Variants in MYBPC2 observed in about 807,000 individuals in gnomAD.
MYBPC2 encodes the protein myosin binding protein C2.
MYBPC2 carries 122 observed loss-of-function variants against 137.0 expected under a neutral mutation model. The ratio of observed to expected loss-of-function variants is 0.89; its 90% CI spans 0.77 to 1.03. The LOEUF (loss-of-function observed/expected upper bound fraction) is 1.03. MYBPC2 is among the 50% of genes least tolerant of loss of function. The probability of loss-of-function intolerance (pLI) is 0.00; values close to 1 mark genes in which losing one functional copy is unlikely to be tolerated. For missense variants in MYBPC2, 1,500 were observed against 1,534.4 expected, an observed-to-expected ratio of 0.98 and a Z score of 0.37; for synonymous variants, 626 against 612.3, an observed-to-expected ratio of 1.02 and a Z score of -0.33.
chr19:50,464,652 G>A, intron 27 of MYBPC2, 120 bp downstream of exon 27: 2 of 1,164,764 alleles, frequency 1.7e-6, no homozygotes, highest in South Asian at 1.7e-5. Flanking sequence ...AGCCCTCTGG[G>A]AGGAGGACTG....
At position 50,464,388 on chromosome 19, in the gene MYBPC2, G is replaced by T; in HGVS notation, c.3271G>T (p.Asp1091Tyr). The change falls in exon 27 of 28, where the codon GAT becomes TAT. Residue 1091 changes from aspartate (D) to tyrosine (Y), a missense_variant. Asp to Tyr is a radical substitution (Grantham distance 160). Coordinates refer to ENST00000357701, the MANE Select transcript of MYBPC2 (RefSeq NM_004533.4). The part of the protein sequence containing the change: ...WMKNKMEIRE[D>Y]PKFLITNYQG... ...GAAGAACAAGATGGAAATCCGTGAA[G>T]ATCCCAAGTTCCTGATAACCAATTA... 6.2e-7 allele frequency: 1 copy of T among 1,611,068 alleles called. No homozygotes were observed. The highest frequency in any genetic ancestry group is 1.1e-5 in the South Asian group (1 of 90,160).
At chr19:50,461,781 C>G in intron 25 of MYBPC2, 80 bp downstream of exon 25, 6 of 1,595,284 alleles carry the variant, frequency 3.8e-6, no homozygotes, top group Non-Finnish European at 5.1e-6. Context: ...CTGCCCTCCC[C>G]TCCCCACTGG....
Position 50,435,190 on chromosome 19 carries a change from GC to G in MYBPC2, c.54del (p.Gly20GlufsTer36). 4.4e-6 allele frequency: 6 copies of G among 1,377,194 alleles called. No individual in the cohort carries two copies. The highest frequency in any genetic ancestry group is 1.7e-5 in the Admixed American group (1 of 57,966). 85.3% of individuals were successfully genotyped at this position (1,377,194 alleles called of 1,614,324 possible). ...AAKKAPKGKD[A>X]PKGAPKEAPP... ...CAAAAAGGCCCCCAAAGGCAAAGAT[GC>G]CCCCAAAGGAGCCCCCAAGGAGGCT... On this transcript the variant is annotated frameshift_variant, in exon 2 of 28. Coordinates refer to ENST00000357701, the MANE Select transcript of MYBPC2 (RefSeq NM_004533.4). LOFTEE classifies it high-confidence loss of function. The surrounding 1 kb of genome is among the most constrained non-coding windows in gnomAD (Gnocchi z 4.8).
chr19:50,466,176 CT>C lies in MYBPC2; in HGVS notation c.3416-16del. 6.2e-7 allele frequency: 1 copy of C among 1,613,762 alleles called. No individual in the cohort carries two copies. ...GGCGTGCCCGGGCCTGGCTCACCCG[CT>C]TTCTCGTTTTCCTGCAGTGCCGCAG... On this transcript the variant is annotated intron_variant, in intron 27 of 27. Transcript: ENST00000357701. This position sits in a 1 kb window ranked among gnomAD's most constrained non-coding sequence, Gnocchi z 4.9.
rs758092176 is a variant in MYBPC2 at position 50,443,608 on chromosome 19, C to T, written c.1017C>T (p.Leu339=). ...AGGATGAGAAGTGTTTCACCGAGCT[C>T]TTCGTCAAAGGTGAGGCTGGAATTC... is the stretch of plus-strand genomic sequence containing the variant. ...AVKDEKCFTE[L]FVKEPPVLIV... The change falls in exon 10 of 28, where the codon CTC becomes CTT. Residue 339 remains leucine, a synonymous_variant. Transcript: ENST00000357701. The T allele has an allele frequency of 6.2e-7, 1 of 1,613,646 alleles. No individual in the cohort carries two copies. Among genetic ancestry groups the T allele is most frequent in the Non-Finnish European group, 8.5e-7 (1 of 1,179,658 alleles).
chr19:50,444,280 GTCCATCCATTCA>G (rs1555796661), intron 11 of MYBPC2, among the ~76,000 whole-genome samples: 28,536 of 130,580 alleles, frequency 0.22, 3,212 homozygotes, highest in Middle Eastern at 0.38. Context: ...TTAACCATCT[GTCCATCCATTCA>G]TCCATCCATC....
chr19:50,437,760 A>C (rs746193261), intron 7 of MYBPC2, 42 bp downstream of exon 7: 23 of 1,571,560 alleles, frequency 1.5e-5, no homozygotes, highest in Non-Finnish European at 1.9e-5. Context: ...ATGGGACTCA[A>C]GGGGAGGAGG....
In MYBPC2 at chr19:50,450,823, C is replaced by T. The variant is rs1362351545; in HGVS notation, c.1473-6C>T. The stretch of plus-strand genomic sequence containing the variant: ...TCGAGCCCTACCCTGCTCCCCCACC[C>T]CTTAGGTTCCACAAGCTGGTGATCG... On this transcript the variant is annotated splice_region_variant and splice_polypyrimidine_tract_variant and intron_variant, in intron 13 of 27. Coordinates refer to ENST00000357701, the MANE Select transcript of MYBPC2 (RefSeq NM_004533.4). The T allele has an allele frequency of 4.5e-6, 7 of 1,559,584 alleles. No homozygotes were observed. Among genetic ancestry groups the T allele is most frequent in the East Asian group, 4.8e-5 (2 of 41,450 alleles).
chr19:50,464,425 T>C lies in MYBPC2; in HGVS notation c.3308T>C (p.Leu1103Pro). ...KFLITNYQGV[L>P]TLNIRRPSPF... ...CTGATAACCAATTACCAAGGAGTCC[T>C]GACGCTGAACATCCGTCGCCCCTCG... The change falls in exon 27 of 28, where the codon CTG becomes CCG. Residue 1103 changes from leucine (L) to proline (P), a missense_variant. Leu to Pro is a moderately conservative substitution (Grantham distance 98). Coordinates refer to ENST00000357701, the MANE Select transcript of MYBPC2 (RefSeq NM_004533.4). 6.2e-7 allele frequency: 1 copy of C among 1,611,792 alleles called. No individual in the cohort carries two copies. Among genetic ancestry groups the C allele is most frequent in the African/African-American group, 1.3e-5 (1 of 75,038 alleles).
intron 7 of MYBPC2, 106 bp downstream of exon 7, chr19:50,437,824 C>G (rs1827269416): frequency 8.0e-7 from 1 of 1,249,890 alleles, no homozygotes; most frequent in Admixed American, 2.0e-5. Flanking sequence ...CTGCTTATCC[C>G]TCTACCACCT....
chr19:50,442,564 A>G (rs2039766017), intron 9 of MYBPC2, among the ~76,000 whole-genome samples: 1 of 151,762 alleles, frequency 6.6e-6, no homozygotes, highest in Admixed American at 6.6e-5. Context: ...AAAATACAAA[A>G]AATTAGCCGG....
Position 50,455,495 on chromosome 19 carries a change from T to G in MYBPC2, c.2204-15T>G. 1 of 1,609,768 alleles carries G rather than the reference T, an allele frequency of 6.2e-7. No individual in the cohort carries two copies. Among genetic ancestry groups the G allele is most frequent in the Non-Finnish European group, 8.5e-7 (1 of 1,176,682 alleles). On this transcript the variant is annotated splice_polypyrimidine_tract_variant and intron_variant, in intron 19 of 27. Coordinates refer to ENST00000357701, the MANE Select transcript of MYBPC2 (RefSeq NM_004533.4). The stretch of plus-strand genomic sequence containing the variant: ...CCTCATTCCCCCCATATCCTCTTTT[T>G]CTGGATGCTTGCAGCACCCACGAGT...
chr19:50,459,987 G>T, intron 23 of MYBPC2, 53 bp from the exon 24 acceptor site: 1 of 1,546,416 alleles, frequency 6.5e-7, no homozygotes, highest in Non-Finnish European at 8.7e-7. Flanking sequence ...GGGGAGGGAA[G>T]CGGCTGGACA....
rs376709743 is a variant in MYBPC2, at chr19:50,448,321, C to G, written c.1403C>G (p.Thr468Arg). ...FKCEVSDEKV[T>R]GKWYKNGVEV... ...TGCGAGGTGTCTGATGAGAAAGTGA[C>G]GGGCAAGTGGTATAAGAATGGGGTC... The change falls in exon 13 of 28, where the codon ACG (threonine) becomes AGG (arginine). Residue 468 changes from threonine to arginine, a missense_variant. Thr to Arg is a moderately conservative substitution (Grantham distance 71, BLOSUM62 -1). Coordinates refer to ENST00000357701, the MANE Select transcript of MYBPC2 (RefSeq NM_004533.4). The G allele has an allele frequency of 6.2e-7, 1 of 1,613,760 alleles. No homozygotes were observed. The highest frequency in any genetic ancestry group is 1.1e-5 in the South Asian group (1 of 91,084).
chr19:50,439,748 T>C (rs1303588596), intron 7 of MYBPC2, among the ~76,000 whole-genome samples: 1 of 152,172 alleles, frequency 6.6e-6, no homozygotes, highest in Non-Finnish European at 1.5e-5. Flanking sequence ...CTCATTGCCT[T>C]GGGAAATGGG....
intron 16 of MYBPC2, among the ~76,000 whole-genome samples, chr19:50,453,471 C>T (rs2039879067): frequency 6.6e-6 from 1 of 152,106 alleles, no homozygotes; most frequent in African/African-American, 2.4e-5. Context: ...TGCACAGGGA[C>T]CAGCCTTGCA....
chr19:50,437,715 A>G lies in MYBPC2; in HGVS notation c.569A>G (p.Lys190Arg). 6.2e-7 allele frequency: 1 copy of G among 1,602,398 alleles called. No individual in the cohort carries two copies. Among genetic ancestry groups the G allele is most frequent in the Non-Finnish European group, 8.5e-7 (1 of 1,174,414 alleles). ...GELDFSGLLK[K>R]REVVEEEKKK... is the part of the protein sequence containing the mutation. ...CTGGATTTCAGTGGCCTGTTGAAGA[A>G]GAGGTGAGCCCCGGACTTGGCACAG... is the stretch of plus-strand genomic sequence containing the variant. Residue 190 changes from lysine to arginine, a missense_variant, in exon 7 of 28, where the codon AAG becomes AGG. Lys to Arg is a conservative substitution (Grantham distance 26). Transcript: ENST00000357701.
At chr19:50,452,496 G>GTATC (rs1448448589) in intron 16 of MYBPC2, among the ~76,000 whole-genome samples, 1,518 of 51,874 alleles carry the variant, frequency 0.029, 11 homozygotes, top group African/African-American at 0.041. Context: ...ATGTATGTAT[G>GTATC]TATGTATGTA....
rs1347276905 is a variant in MYBPC2, at chr19:50,452,496, GTATGTATGTATGTATCTATCTATC to G, written c.1749+497_1749+520del. 4.5e-3 allele frequency among the ~76,000 whole-genome samples: 235 copies of G among 51,948 alleles called. 1 individual carries two copies. Among genetic ancestry groups the G allele is most frequent in the Admixed American group, 7.1e-3 (36 of 5,090 alleles). 34.1% of individuals were successfully genotyped at this position (51,948 alleles called of 152,430 possible). A position where few individuals can be genotyped will look rare whatever the true frequency, so the allele number is the denominator to read the frequency against. On this transcript the variant is annotated intron_variant, in intron 16 of 27. Coordinates refer to ENST00000357701, the MANE Select transcript of MYBPC2 (RefSeq NM_004533.4). ...TGTATGTATGTATGTATGTATGTATGTATGTATGTATGTATCTATCTATCTATCTATCTATCTATCTATGTATCT... is the reference window on the plus strand; with the variant it reads ...TGTATGTATGTATGTATGTATGTATGTATCTATCTATCTATCTATGTATCT...
Sources: allele counts gnomAD v4.1 joint callset (sites outside exome capture counted in the v4.1 genomes callset), GRCh38; gene constraint gnomAD v4.1.1; non-coding constraint Gnocchi (gnomAD v3.1); transcripts MANE v1.5; gene names NCBI Gene and HGNC (gene_info 2026-07-23, HGNC 2026-07-21).